The following TRAPPC9 variants were observed in gnomAD, a reference collection of about 807,000 sequenced individuals.
TRAPPC9 encodes trafficking protein particle complex subunit 9.
Under a neutral mutation model 124.0 loss-of-function variants are expected in TRAPPC9, and 83 were observed. The ratio of observed to expected loss-of-function variants is 0.67; its 90% CI spans 0.56 to 0.80. TRAPPC9 has a LOEUF of 0.80. TRAPPC9 is among the 30% of genes least tolerant of loss of function. The probability of loss-of-function intolerance (pLI) is 0.00; values close to 1 mark genes in which losing one functional copy is unlikely to be tolerated. For missense variants in TRAPPC9, 1,302 were observed against 1,508.3 expected, an observed-to-expected ratio of 0.86 and a Z score of 2.27; for synonymous variants, 638 against 617.5, an observed-to-expected ratio of 1.03 and a Z score of -0.49.
rs923556364 is a variant in TRAPPC9 at position 139,882,038 on chromosome 8, C to T, written c.3055+3841G>A. Among the ~76,000 whole-genome samples the T allele has an allele frequency of 3.9e-5, 6 of 152,296 alleles. No homozygotes were observed. The South Asian group carries it at 8.3e-4, about 21-fold the overall frequency. On this transcript the variant is annotated intron_variant, in intron 21 of 22. Transcript: ENST00000438773. ...GTGGTGAGGATGAATGCCACAGATT[C>T]AAGGAGAGCCCCTTGTGAGTTTTCA...
intron 19 of TRAPPC9, among the ~76,000 whole-genome samples, chr8:139,921,215 G>A (rs1335942329): frequency 6.6e-6 from 1 of 152,224 alleles, no homozygotes; most frequent in East Asian, 1.9e-4. Flanking sequence ...CCGCTAATGT[G>A]TGAGGGCAGG....
At chr8:139,821,450 A>T (rs1825246545) in intron 21 of TRAPPC9, among the ~76,000 whole-genome samples, 1 of 152,178 alleles carries the variant, frequency 6.6e-6, no homozygotes, top group East Asian at 1.9e-4. Context: ...GTCTCAGAGG[A>T]ATCTAAGAAT....
chr8:139,806,457 C>T (rs556392845), intron 21 of TRAPPC9, among the ~76,000 whole-genome samples: 14 of 152,218 alleles, frequency 9.2e-5, no homozygotes, highest in African/African-American at 2.9e-4. Context: ...CGGGGCTCAG[C>T]GGCAGTGACA....
intron 17 of TRAPPC9, among the ~76,000 whole-genome samples, chr8:140,196,165 G>A (rs2062661945): frequency 7.0e-6 from 1 of 142,088 alleles, no homozygotes; most frequent in South Asian, 2.3e-4. Flanking sequence ...TCACACCTGT[G>A]ACACTAAAAC....
At chr8:139,862,095 T>C (rs1004668270) in intron 21 of TRAPPC9, among the ~76,000 whole-genome samples, 16 of 152,236 alleles carry the variant, frequency 1.1e-4, no homozygotes, top group African/African-American at 3.9e-4. Flanking sequence ...GCCATACACA[T>C]TGGGACTCTG....
chr8:140,359,893 G>A (rs2067889528), intron 9 of TRAPPC9, among the ~76,000 whole-genome samples, 157 bp downstream of exon 9: 1 of 152,048 alleles, frequency 6.6e-6, no homozygotes, highest in African/African-American at 2.4e-5. Context: ...TGGAAGGAGG[G>A]AGCCAAGGCA....
At chr8:139,751,760 C>A (rs1203347237) in intron 21 of TRAPPC9, among the ~76,000 whole-genome samples, 2 of 151,522 alleles carry the variant, frequency 1.3e-5, no homozygotes, top group Non-Finnish European at 2.9e-5. Context: ...CATCCTCCAG[C>A]AGACAAGAGA....
chr8:140,237,676 G>C (rs6992969), intron 16 of TRAPPC9, among the ~76,000 whole-genome samples: 151,613 of 152,162 alleles, frequency 1, 75,535 homozygotes, highest in Middle Eastern at 1. Flanking sequence ...AGGGGGACAG[G>C]GAGGCAGCAG....
chr8:139,984,810 G>C lies in TRAPPC9; in HGVS notation c.2810+3916C>G, dbSNP rs1837141733. Among the ~76,000 whole-genome samples, 1 of 152,150 alleles carries C rather than the reference G, an allele frequency of 6.6e-6. No individual in the cohort carries two copies. The highest frequency in any genetic ancestry group is 1.9e-4 in the East Asian group (1 of 5,178). On this transcript the variant is annotated intron_variant, in intron 19 of 22. Coordinates refer to ENST00000438773, the MANE Select transcript of TRAPPC9 (RefSeq NM_001160372.4). The surrounding 1 kb of genome is among the most constrained non-coding windows in gnomAD (Gnocchi z 4.3). ...TGGATTCATGGGTATCCCCAGCAGT[G>C]GGCACAGCAGGGGAAGCGCCTAAGA...
At chr8:139,842,392 A>G (rs1826786839) in intron 21 of TRAPPC9, among the ~76,000 whole-genome samples, 1 of 152,112 alleles carries the variant, frequency 6.6e-6, no homozygotes, top group South Asian at 2.1e-4. Context: ...AGGCCTCCGC[A>G]CTCCACATTC....
At chr8:140,352,557 G>A (rs2067619407) in intron 9 of TRAPPC9, among the ~76,000 whole-genome samples, 1 of 152,084 alleles carries the variant, frequency 6.6e-6, no homozygotes, top group Non-Finnish European at 1.5e-5. Flanking sequence ...CCTTAGGACT[G>A]GGCTGAACAT....
At chr8:140,268,119 T>A (rs1020414943) in intron 15 of TRAPPC9, among the ~76,000 whole-genome samples, 2 of 152,146 alleles carry the variant, frequency 1.3e-5, no homozygotes, top group Non-Finnish European at 2.9e-5. Flanking sequence ...CTAAGCTCAA[T>A]GGGCTCAGAA....
intron 16 of TRAPPC9, among the ~76,000 whole-genome samples, chr8:140,233,225 G>T (rs1046314999): frequency 2.0e-5 from 3 of 149,220 alleles, no homozygotes; most frequent in African/African-American, 7.4e-5. Flanking sequence ...TTTTTTTTGA[G>T]ACGGAGTCTC....
intron 17 of TRAPPC9, among the ~76,000 whole-genome samples, chr8:140,156,704 C>T (rs996223047): frequency 3.9e-5 from 6 of 152,176 alleles, no homozygotes; most frequent in African/African-American, 9.7e-5. Context: ...GAAGAAAAAT[C>T]GTCTGTTTCT....
intron 19 of TRAPPC9, among the ~76,000 whole-genome samples, chr8:139,951,239 C>T (rs1834626896): frequency 6.6e-6 from 1 of 152,224 alleles, no homozygotes; most frequent in African/African-American, 2.4e-5. Context: ...CAGGCCCCAC[C>T]GTTCTCTTCG....
At chr8:140,072,085 G>A (rs1315983338) in intron 17 of TRAPPC9, among the ~76,000 whole-genome samples, 1 of 152,218 alleles carries the variant, frequency 6.6e-6, no homozygotes, top group Non-Finnish European at 1.5e-5. Flanking sequence ...AAGGCAGTAT[G>A]AGGGGACATT....
In TRAPPC9 at chr8:140,201,637, T is replaced by C. The variant is rs190285053; in HGVS notation, c.2556+19822A>G. Among the ~76,000 whole-genome samples, 4 of 152,374 alleles carry C rather than the reference T, an allele frequency of 2.6e-5. No individual in the cohort carries two copies. In the East Asian group the frequency reaches 5.8e-4, roughly 22 times the overall value. ...ATCTCATTGTCATTCATATGTTTTG[T>C]CAGATGATAGGTCTTGATATTTAAT... is the stretch of plus-strand genomic sequence containing the variant. On this transcript the variant is annotated intron_variant, in intron 17 of 22. Coordinates refer to ENST00000438773, the MANE Select transcript of TRAPPC9 (RefSeq NM_001160372.4).
intron 19 of TRAPPC9, among the ~76,000 whole-genome samples, chr8:139,980,138 C>T (rs1836791194): frequency 6.6e-6 from 1 of 152,138 alleles, no homozygotes; most frequent in African/African-American, 2.4e-5. Context: ...CCAGACTTCT[C>T]TAACAAGATG....
At chr8:139,748,292 G>C (rs1819074392) in intron 21 of TRAPPC9, among the ~76,000 whole-genome samples, 1 of 98,740 alleles carries the variant, frequency 1.0e-5, no homozygotes, top group Non-Finnish European at 1.9e-5. Flanking sequence ...GGGTGTGAGG[G>C]TGTCCTGGGG....
Sources: allele counts gnomAD v4.1 joint callset (sites outside exome capture counted in the v4.1 genomes callset), GRCh38; gene constraint gnomAD v4.1.1; non-coding constraint Gnocchi (gnomAD v3.1); transcripts MANE v1.5; gene names NCBI Gene and HGNC (gene_info 2026-07-23, HGNC 2026-07-21).